LSAMP: variants seen among roughly 807,000 people sequenced by gnomAD.
LSAMP encodes limbic system associated membrane protein.
LSAMP carries 7 observed loss-of-function variants against 38.6 expected under a neutral mutation model. That is an observed-to-expected ratio of 0.18 (90% CI 0.10 to 0.34). LSAMP has a LOEUF of 0.34. Among genes scored for constraint, LSAMP ranks in the 10% least tolerant of loss-of-function variants. The pLI, the probability that LSAMP is intolerant of heterozygous loss-of-function variation, is 1.00. For synonymous variants in LSAMP, 154 were observed against 166.8 expected, an observed-to-expected ratio of 0.92 and a Z score of 0.59; for missense variants, 313 against 420.0, an observed-to-expected ratio of 0.75 and a Z score of 2.23.
chr3:116,337,026 T>C (rs907842123), intron 1 of LSAMP, among the ~76,000 whole-genome samples: 3 of 151,736 alleles, frequency 2.0e-5, no homozygotes, highest in Non-Finnish European at 4.4e-5. Flanking sequence ...TGTTACAACA[T>C]GGATGAACCT....
intron 3 of LSAMP, among the ~76,000 whole-genome samples, chr3:115,999,846 G>T (rs1462737617): frequency 6.6e-6 from 1 of 152,168 alleles, no homozygotes; most frequent in African/African-American, 2.4e-5. Context: ...GCTCCTCTCA[G>T]TTGGAGACTG....
intron 3 of LSAMP, 47 bp downstream of exon 3, chr3:116,019,468 A>G (rs1462460080): frequency 6.3e-7 from 1 of 1,594,944 alleles, no homozygotes; most frequent in South Asian, 1.1e-5. Context: ...GAGCATGAGC[A>G]TATTTTAAAC....
Position 115,803,077 on chromosome 3 carries a change from A to G in LSAMP, c.*7240T>C, listed in dbSNP as rs1460988236. On this transcript the variant is annotated 3_prime_UTR_variant, in exon 7 of 7. Transcript: ENST00000490035. The stretch of plus-strand genomic sequence containing the variant: ...CTTCCATGGGTTTTCTTCACTTGCA[A>G]GAAGCATATTTGTACTGTGCCTGGC... 6.6e-6 allele frequency: 1 copy of G among 152,104 alleles called. No homozygotes were observed. The highest frequency in any genetic ancestry group is 1.5e-5 in the Non-Finnish European group (1 of 68,046). 9.4% of individuals were successfully genotyped at this position (152,104 alleles called of 1,614,324 possible).
intron 3 of LSAMP, among the ~76,000 whole-genome samples, chr3:115,897,799 C>G (rs1936766749): frequency 6.6e-6 from 1 of 152,116 alleles, no homozygotes; most frequent in South Asian, 2.1e-4. Context: ...TCTGTTAGAA[C>G]AGATTCAGAA....
chr3:116,353,856 G>T (rs2048182912), intron 1 of LSAMP, among the ~76,000 whole-genome samples: 1 of 152,070 alleles, frequency 6.6e-6, no homozygotes, highest in Non-Finnish European at 1.5e-5. Context: ...ATAGTCGTTT[G>T]TATGTGTTAA....
rs962372643 is a variant in LSAMP, at chr3:115,967,926, A to G, written c.514+51589T>C. On this transcript the variant is annotated intron_variant, in intron 3 of 6. Coordinates refer to ENST00000490035, the MANE Select transcript of LSAMP (RefSeq NM_002338.5). ...GGGTGGAGACACAGAGCCAAACCAC[A>G]TCACCTCCCTTTTTCCCAAGCAGAG... 5.3e-5 allele frequency among the ~76,000 whole-genome samples: 8 copies of G among 152,016 alleles called. 1 individual carries two copies. Among genetic ancestry groups the G allele is most frequent in the Admixed American group, 4.6e-4 (7 of 15,260 alleles).
At position 115,808,108 on chromosome 3, in the gene LSAMP, TCCTCCCTCCCTCCCTCCCTCCCTCCCTC is replaced by T. The variant is rs1170680032; in HGVS notation, c.*2181_*2208del. 2 of 44,444 alleles carry T rather than the reference TCCTCCCTCCCTCCCTCCCTCCCTCCCTC, an allele frequency of 4.5e-5. No homozygotes were observed. The highest frequency in any genetic ancestry group is 1.3e-4 in the African/African-American group (1 of 7,992). The allele number at this position is 44,444 out of a possible 1,614,324, so 2.8% of individuals were successfully genotyped here. On this transcript the variant is annotated 3_prime_UTR_variant, in exon 7 of 7. Coordinates refer to ENST00000490035, the MANE Select transcript of LSAMP (RefSeq NM_002338.5). ...CTCCTTCCTTCCTTCCTTCCTTCCT[TCCTCCCTCCCTCCCTCCCTCCCTCCCTC>T]CCTCCCTCCCTCCCCCCCTTCCCCG...
chr3:115,944,215 C>G (rs977491051), intron 3 of LSAMP, among the ~76,000 whole-genome samples: 8 of 152,098 alleles, frequency 5.3e-5, no homozygotes, highest in Admixed American at 4.6e-4. Context: ...CTTGCTGATG[C>G]TGCTGAGGAG....
chr3:115,925,566 C>A (rs1336580986), intron 3 of LSAMP, among the ~76,000 whole-genome samples: 2 of 152,026 alleles, frequency 1.3e-5, no homozygotes, highest in Non-Finnish European at 2.9e-5. Context: ...TTTGATATTG[C>A]AAACTGTATA....
chr3:116,412,379 T>C (rs2048991761), intron 1 of LSAMP, among the ~76,000 whole-genome samples: 1 of 152,074 alleles, frequency 6.6e-6, no homozygotes, highest in Non-Finnish European at 1.5e-5. Flanking sequence ...ACTATGCAGG[T>C]TCCCACATCA....
intron 1 of LSAMP, among the ~76,000 whole-genome samples, chr3:116,309,583 G>A (rs1348414772): frequency 3.9e-5 from 6 of 152,204 alleles, no homozygotes; most frequent in Non-Finnish European, 7.4e-5. Flanking sequence ...GCTTTCACAT[G>A]CAATCTAAAT....
intron 4 of LSAMP, among the ~76,000 whole-genome samples, chr3:115,850,063 T>A (rs1437369315): frequency 1.3e-5 from 2 of 152,222 alleles, no homozygotes; most frequent in Non-Finnish European, 2.9e-5. Flanking sequence ...ATATAATTTG[T>A]TATGAGGTAT....
intron 1 of LSAMP, among the ~76,000 whole-genome samples, chr3:116,370,712 G>A (rs951495905): frequency 4.6e-5 from 7 of 152,114 alleles, no homozygotes; most frequent in Non-Finnish European, 8.8e-5. Flanking sequence ...TGCCATCCGT[G>A]GTTGTTGCAT....
chr3:116,018,061 TA>T (rs578141630), intron 3 of LSAMP, among the ~76,000 whole-genome samples: 306 of 152,248 alleles, frequency 2.0e-3, no homozygotes, highest in African/African-American at 7.2e-3. Flanking sequence ...CCTTTATACA[TA>T]TTTTTTTTCC....
In LSAMP at chr3:115,806,856, G is replaced by A. The variant is rs969064842; in HGVS notation, c.*3461C>T. 4 of 152,170 alleles carry A rather than the reference G, an allele frequency of 2.6e-5. No homozygotes were observed. The highest frequency in any genetic ancestry group is 3.8e-4 in the East Asian group (2 of 5,198). The allele number at this position is 152,170 out of a possible 1,614,324, so 9.4% of individuals were successfully genotyped here. On this transcript the variant is annotated 3_prime_UTR_variant, in exon 7 of 7. Transcript: ENST00000490035. ...AACCTTTGCTCAACAATTGCACAGA[G>A]CATAATTACAATTCTGCAGTTGTAA...
intron 2 of LSAMP, among the ~76,000 whole-genome samples, chr3:116,085,442 AG>A (rs1317499382): frequency 2.6e-5 from 4 of 152,238 alleles, no homozygotes; most frequent in Admixed American, 1.3e-4. Flanking sequence ...CAGGAGCCCT[AG>A]GGCCATGCCT....
In LSAMP at chr3:116,234,424, A is replaced by G. The variant is rs186257628; in HGVS notation, c.156-147868T>C. Among the ~76,000 whole-genome samples, 620 of 152,236 alleles carry G rather than the reference A, an allele frequency of 4.1e-3. 1 individual carries two copies. The highest frequency in any genetic ancestry group is 7.0e-3 in the Non-Finnish European group (473 of 68,010). ...GAAGGACACTGTAGCCAGCTTAGAG[A>G]TTTCATTCATTCATTCATCTATTTA... is the stretch of plus-strand genomic sequence containing the variant. On this transcript the variant is annotated intron_variant, in intron 1 of 6. Transcript: ENST00000490035.
intron 1 of LSAMP, among the ~76,000 whole-genome samples, chr3:116,144,161 G>A (rs886848180): frequency 6.6e-6 from 1 of 151,838 alleles, no homozygotes; most frequent in African/African-American, 2.4e-5. Context: ...ATTCCTTCTT[G>A]AAAAGAATAT....
chr3:115,845,575 C>T (rs1935133065), intron 4 of LSAMP, among the ~76,000 whole-genome samples: 1 of 118,082 alleles, frequency 8.5e-6, no homozygotes, highest in Non-Finnish European at 1.7e-5. Flanking sequence ...AGAGGTTCTC[C>T]TCTTTTCTCC....
Sources: allele counts gnomAD v4.1 joint callset (sites outside exome capture counted in the v4.1 genomes callset), GRCh38; gene constraint gnomAD v4.1.1; transcripts MANE v1.5; gene names NCBI Gene and HGNC (gene_info 2026-07-23, HGNC 2026-07-21).